Variants in IL9R observed in about 807,000 individuals in gnomAD.
The protein encoded by IL9R is interleukin 9 receptor, also known as interleukin-9 receptor.
In IL9R, 54 loss-of-function variants were observed where a neutral mutation model predicts 56.3. The ratio of observed to expected loss-of-function variants is 0.96; its 90% confidence interval spans 0.77 to 1.20. The LOEUF (loss-of-function observed/expected upper bound fraction) is 1.20, where lower values mean the gene tolerates loss of function less well. IL9R is among the 50% of genes most tolerant of loss of function. The probability of loss-of-function intolerance (pLI) is 0.00; values close to 1 mark genes in which losing one functional copy is unlikely to be tolerated. For synonymous variants in IL9R, 212 were observed against 250.2 expected, an observed-to-expected ratio of 0.85 and a Z score of 1.44; for missense variants, 545 against 629.8, an observed-to-expected ratio of 0.87 and a Z score of 1.44.
intron 5 of IL9R, 107 bp from the exon 6 acceptor site, chrX:156,005,171 T>C (rs1384039352): frequency 1.2e-6 from 1 of 822,798 alleles, no homozygotes; most frequent in Non-Finnish European, 2.1e-6. Context: ...TTAACACAAG[T>C]GTGTTCAAGA....
At chrX:156,007,047 G>A (rs3093525) in intron 7 of IL9R, among the ~76,000 whole-genome samples, 3 of 151,842 alleles carry the variant, frequency 2.0e-5, no homozygotes, top group South Asian at 2.1e-4. Flanking sequence ...GGAAATGGGG[G>A]ACAGCCTTGC....
At chrX:156,007,068 G>A (rs917894706) in intron 7 of IL9R, among the ~76,000 whole-genome samples, 3 of 151,980 alleles carry the variant, frequency 2.0e-5, no homozygotes, top group Non-Finnish European at 4.4e-5. Context: ...AGGGAGGTTG[G>A]TGAAGTCTAT....
At chrX:156,002,111 G>A (rs1449167271) in intron 1 of IL9R, among the ~76,000 whole-genome samples, 8 of 152,112 alleles carry the variant, frequency 5.3e-5, no homozygotes, top group African/African-American at 1.9e-4. Context: ...GGAGGCCAAG[G>A]CAGGTGGATC....
Position 156,007,711 on chromosome X carries a change from G to A in IL9R, c.972+104G>A, listed in dbSNP as rs748528027. 138 of 591,858 alleles carry A rather than the reference G, an allele frequency of 2.3e-4. No individual in the cohort carries two copies. In the African/African-American group the frequency reaches 3.7e-3, roughly 16 times the overall value. The allele number at this position is 591,858 out of a possible 1,614,324, so 36.7% of individuals were successfully genotyped here. A position where few individuals can be genotyped will look rare whatever the true frequency, so the allele number is the denominator to read the frequency against. On this transcript the variant is annotated intron_variant, in intron 8 of 8. Transcript: ENST00000244174. The stretch of plus-strand genomic sequence containing the variant: ...CTGAGGGTTGGCGGCCAGTATGGGA[G>A]GCTTGTCAGTGCTTGGAGCCTTTTT...
Position 156,005,431 on chromosome X carries a change from T to G in IL9R, c.733T>G (p.Trp245Gly). The change falls in exon 6 of 9, where the codon TGG becomes GGG. Residue 245 changes from tryptophan to glycine, a missense_variant. Physicochemically the swap from Trp to Gly is radical, Grantham distance 184. Coordinates refer to ENST00000244174, the MANE Select transcript of IL9R (RefSeq NM_002186.3). ...VVEEERYTGQ[W>G]SEWSQPVCFQ... ...AGAGGAGGAGCGTTATACAGGCCAG[T>G]GGAGTGAGTGGAGCCAGCCTGTGTG... The G allele has an allele frequency of 6.2e-7, 1 of 1,613,000 alleles. No homozygotes were observed. Among genetic ancestry groups the G allele is most frequent in the Non-Finnish European group, 8.5e-7 (1 of 1,179,796 alleles).
intron 5 of IL9R, 99 bp downstream of exon 5, chrX:156,004,664 A>G (rs2067789212): frequency 8.1e-7 from 1 of 1,231,754 alleles, no homozygotes; most frequent in Non-Finnish European, 1.2e-6. Context: ...ACTTGTAGTG[A>G]TGAGAAGGGA....
At chrX:155,999,735 C>A (rs951925860) in intron 1 of IL9R, among the ~76,000 whole-genome samples, 3 of 152,164 alleles carry the variant, frequency 2.0e-5, no homozygotes, top group Non-Finnish European at 4.4e-5. Flanking sequence ...AGACAGAAGA[C>A]CTTGCTGGAC....
At chrX:156,001,342 A>G in intron 1 of IL9R, 1 of 1,061,602 alleles carries the variant, frequency 9.4e-7, no homozygotes, top group Non-Finnish European at 1.5e-6. Flanking sequence ...CCTGGTGGTG[A>G]CTCCAACCCT....
chrX:155,998,579 T>C (rs372596704), intron 1 of IL9R, among the ~76,000 whole-genome samples: 2 of 150,858 alleles, frequency 1.3e-5, no homozygotes, highest in East Asian at 3.9e-4. Flanking sequence ...TTATTATTAA[T>C]TTTTTTTTGA....
rs751662691 is a variant in IL9R at position 156,003,776 on chromosome X, C to T, written c.354C>T (p.Phe118=). ...PEAVLVPSDN[F]TITFHHCMSG... ...CAGTGCTCGTGCCATCTGACAATTT[C>T]ACCATCACTTTCCACCACTGCATGT... is the stretch of plus-strand genomic sequence containing the variant. The change falls in exon 4 of 9, where the codon TTC becomes TTT. Residue 118 remains phenylalanine (F), a synonymous_variant. Coordinates refer to ENST00000244174, the MANE Select transcript of IL9R (RefSeq NM_002186.3). The T allele has an allele frequency of 1.2e-6, 2 of 1,614,010 alleles. No individual in the cohort carries two copies. The highest frequency in any genetic ancestry group is 2.2e-5 in the South Asian group (2 of 91,072).
chrX:156,003,770 C>T lies in IL9R; in HGVS notation c.348C>T (p.Asp116=). ...LPPEAVLVPS[D]NFTITFHHCM... Reference sequence around the variant, plus strand: ...CTGAGGCAGTGCTCGTGCCATCTGACAATTTCACCATCACTTTCCACCACT... The same window carrying T: ...CTGAGGCAGTGCTCGTGCCATCTGATAATTTCACCATCACTTTCCACCACT... Residue 116 remains aspartate (D), a synonymous_variant, in exon 4 of 9, where the codon GAC becomes GAT. Coordinates refer to ENST00000244174, the MANE Select transcript of IL9R (RefSeq NM_002186.3). 1 of 1,613,996 alleles carries T rather than the reference C, an allele frequency of 6.2e-7. No individual in the cohort carries two copies. The highest frequency in any genetic ancestry group is 1.3e-5 in the African/African-American group (1 of 75,054).
chrX:156,008,433 T>C (rs2068139535), intron 8 of IL9R, among the ~76,000 whole-genome samples: 1 of 151,544 alleles, frequency 6.6e-6, no homozygotes, highest in Non-Finnish European at 1.5e-5. Context: ...AAGATTTTTG[T>C]CCAAAAATAT....
chrX:156,003,921 T>C, intron 4 of IL9R, 66 bp downstream of exon 4: 1 of 1,543,032 alleles, frequency 6.5e-7, no homozygotes, highest in South Asian at 1.2e-5. Flanking sequence ...CTTGGGGGTT[T>C]GGAGCAGGGC....
chrX:156,009,282 GTGTGTGTGTGTGTTTA>G (rs2068302680), intron 8 of IL9R, among the ~76,000 whole-genome samples: 1 of 6,392 alleles, frequency 1.6e-4, no homozygotes, highest in Non-Finnish European at 3.0e-4. Flanking sequence ...GTGTATGTCT[GTGTGTGTGTGTGTTTA>G]TGTGTGTGTG....
At chrX:156,004,098 G>A (rs1374654604) in intron 4 of IL9R, 1 of 605,038 alleles carries the variant, frequency 1.7e-6, no homozygotes, top group Non-Finnish European at 2.9e-6. Context: ...GCAGGGGCTG[G>A]CACTTGAGTC....
chrX:156,003,171 C>T, intron 2 of IL9R, 152 bp downstream of exon 2: 1 of 898,694 alleles, frequency 1.1e-6, no homozygotes. Context: ...ACCTCAGTCT[C>T]TAGTCTCCCT....
At chrX:155,999,767 C>A (rs1238615009) in intron 1 of IL9R, among the ~76,000 whole-genome samples, 1 of 152,146 alleles carries the variant, frequency 6.6e-6, no homozygotes, top group Non-Finnish European at 1.5e-5. Flanking sequence ...TCAATAGTAA[C>A]TTCTGAGGCT....
At chrX:156,007,906 C>T (rs1362491746) in intron 8 of IL9R, 2 of 318,622 alleles carry the variant, frequency 6.3e-6, no homozygotes, top group African/African-American at 4.3e-5. Context: ...CAGCTTTCTG[C>T]ACCCACCATG....
At chrX:155,997,902 G>A in intron 1 of IL9R, 115 bp downstream of exon 1, 2 of 989,912 alleles carry the variant, frequency 2.0e-6, no homozygotes, top group Admixed American at 1.8e-5. Flanking sequence ...GCATTTGAGA[G>A]CGCCACCCTA....
Sources: allele counts gnomAD v4.1 joint callset (sites outside exome capture counted in the v4.1 genomes callset), GRCh38; gene constraint gnomAD v4.1.1; transcripts MANE v1.5; gene names NCBI Gene and HGNC (gene_info 2026-07-23, HGNC 2026-07-21).